ATRX: variants seen among roughly 807,000 people sequenced by gnomAD.
The protein encoded by ATRX is ATRX chromatin remodeler, also known as chromatin remodeler ATRX.
ATRX carries 12 observed loss-of-function variants against 172.6 expected under a neutral mutation model. The observed-to-expected ratio is 0.07, with a 90% CI of 0.04 to 0.11. The LOEUF (loss-of-function observed/expected upper bound fraction) is 0.11, where lower values mean the gene tolerates loss of function less well. ATRX is among the 10% of genes least tolerant of loss of function. ATRX has a pLI of 1.00. For synonymous variants in ATRX, 674 were observed against 594.7 expected (o/e 1.13, Z -1.94); for missense variants, 1,368 against 1,767.4 (o/e 0.77, Z 4.05).
intron 10 of ATRX, 101 bp from the exon 11 acceptor site, chrX:77,664,879 A>T: frequency 1.2e-6 from 1 of 807,160 alleles, no homozygotes; most frequent in Non-Finnish European, 1.7e-6. Flanking sequence ...ATAGAAATAA[A>T]TGTGCCAATA....
chrX:77,579,521 C>G, intron 27 of ATRX, among the ~76,000 whole-genome samples: 1 of 109,709 alleles, frequency 9.1e-6, no homozygotes, highest in East Asian at 2.9e-4. Flanking sequence ...GCAGACAATT[C>G]TTTTGGATCT....
intron 27 of ATRX, among the ~76,000 whole-genome samples, chrX:77,585,620 A>AAAAAAAAAAAAAAAAAAAAC: frequency 1.1e-5 from 1 of 93,501 alleles, no homozygotes; most frequent in Non-Finnish European, 2.1e-5. Flanking sequence ...AAAAAAAAAA[A>AAAAAAAAAAAAAAAAAAAAC]AAAGGATCCA....
chrX:77,516,510 A>C (rs2063059433), intron 34 of ATRX, among the ~76,000 whole-genome samples: 1 of 112,258 alleles, frequency 8.9e-6, no homozygotes, highest in Non-Finnish European at 1.9e-5. Context: ...ATATAATGAT[A>C]AAGGGGTCAA....
At position 77,557,519 on chromosome X, in the gene ATRX, C is replaced by T; in HGVS notation, c.6631G>A (p.Glu2211Lys). Residue 2211 changes from glutamate (E) to lysine (K), a missense_variant, in exon 30 of 35, where the codon GAG becomes AAG. This residue lies in a region of ATRX where 18 missense variants were observed against 52.4 expected (regional missense o/e 0.34). Coordinates refer to ENST00000373344, the MANE Select transcript of ATRX (RefSeq NM_000489.6). ...TTAGGGTCATCTAATAAGTCTGGCT[C>T]AAAAGTATAAAGTTCAGTAAGCTCA... ...MNELTELYTF[E>K]PDLLDDPNSE... 1 of 1,210,343 alleles carries T rather than the reference C, an allele frequency of 8.3e-7. No homozygotes were observed. The highest frequency in any genetic ancestry group is 1.1e-6 in the Non-Finnish European group (1 of 894,798).
intron 28 of ATRX, among the ~76,000 whole-genome samples, chrX:77,565,821 A>G (rs1033174886): frequency 3.6e-5 from 4 of 109,640 alleles, no homozygotes; most frequent in Middle Eastern, 4.8e-3. Flanking sequence ...TTGCTACTGC[A>G]CTCCAGCTTG....
At chrX:77,697,170 ACT>A (rs2072233657) in intron 4 of ATRX, among the ~76,000 whole-genome samples, 1 of 110,845 alleles carries the variant, frequency 9.0e-6, no homozygotes, top group Non-Finnish European at 1.9e-5. Context: ...GTTTTTTACC[ACT>A]CTTTTTTCTC....
chrX:77,604,833 A>G (rs782411943), intron 22 of ATRX, among the ~76,000 whole-genome samples: 3 of 112,466 alleles, frequency 2.7e-5, no homozygotes, highest in African/African-American at 9.7e-5. Context: ...AAAGAACAAA[A>G]GCATGTCTTC....
chrX:77,605,029 A>G (rs2066850370), intron 22 of ATRX, among the ~76,000 whole-genome samples: 1 of 112,358 alleles, frequency 8.9e-6, no homozygotes, highest in Admixed American at 9.5e-5. Flanking sequence ...AGTGAATGAG[A>G]AACTACTTAA....
chrX:77,643,658 T>A (rs782145756), intron 15 of ATRX, among the ~76,000 whole-genome samples: 38 of 110,556 alleles, frequency 3.4e-4, no homozygotes, highest in African/African-American at 1.3e-3. Flanking sequence ...GCTCAAGCTA[T>A]CCTCCTACCT....
rs1031877960 is a variant in ATRX, at chrX:77,601,893, T to C, written c.5567-1329A>G. ...ATCACTGCTATGAAAATGAGGTATA[T>C]AATTTCTCGGCATACAGCTGTTCAC... On this transcript the variant is annotated intron_variant, in intron 22 of 34. Transcript: ENST00000373344. Among the ~76,000 whole-genome samples the C allele has an allele frequency of 2.7e-5, 3 of 112,323 alleles. No individual in the cohort carries two copies. The Admixed American group carries it at 2.8e-4, about 11-fold the overall frequency.
intron 12 of ATRX, among the ~76,000 whole-genome samples, chrX:77,660,747 T>G (rs1262657923): frequency 1.8e-5 from 2 of 110,950 alleles, no homozygotes; most frequent in African/African-American, 3.3e-5. Flanking sequence ...GAATAACTCT[T>G]GCCCAAAAGC....
intron 15 of ATRX, among the ~76,000 whole-genome samples, chrX:77,639,564 T>C (rs1288247955): frequency 1.8e-5 from 2 of 111,433 alleles, no homozygotes; most frequent in Non-Finnish European, 3.8e-5. Context: ...TCTTAAGAGG[T>C]TAAGTGTGTG....
At chrX:77,684,635 GGAAA>G in intron 8 of ATRX, 42 bp from the exon 9 acceptor site, 1 of 1,133,638 alleles carries the variant, frequency 8.8e-7, no homozygotes, top group Non-Finnish European at 1.2e-6. Context: ...CCTTCTTTCA[GGAAA>G]CTGAAAAGAT....
intron 27 of ATRX, among the ~76,000 whole-genome samples, chrX:77,589,196 G>A (rs1228948695): frequency 8.9e-6 from 1 of 112,196 alleles, no homozygotes; most frequent in African/African-American, 3.2e-5. Context: ...TATGTGACTG[G>A]TCCAGAATAT....
chrX:77,581,594 T>C (rs1255652440), intron 27 of ATRX, among the ~76,000 whole-genome samples: 2 of 111,683 alleles, frequency 1.8e-5, no homozygotes, highest in African/African-American at 3.3e-5. Context: ...AAGAGAGAGA[T>C]AGACCCCAAT....
At chrX:77,610,746 A>G (rs1349479025) in intron 22 of ATRX, among the ~76,000 whole-genome samples, 2 of 109,325 alleles carry the variant, frequency 1.8e-5, no homozygotes, top group African/African-American at 6.6e-5. Flanking sequence ...TTAACACACA[A>G]TATTCTATGT....
Position 77,579,899 on chromosome X carries a change from A to G in ATRX, c.6218-5541T>C, listed in dbSNP as rs545572792. Among the ~76,000 whole-genome samples the G allele has an allele frequency of 9.8e-5, 11 of 112,308 alleles. No individual in the cohort carries two copies. In the South Asian group the frequency reaches 4.0e-3, roughly 41 times the overall value. Reference sequence around the variant, plus strand: ...CACAAAATAGCTGATTTGAGGAAACAATGAAATTCAAGATAACACAGGAGG... The same window carrying G: ...CACAAAATAGCTGATTTGAGGAAACGATGAAATTCAAGATAACACAGGAGG... On this transcript the variant is annotated intron_variant, in intron 27 of 34. Transcript: ENST00000373344.
intron 20 of ATRX, among the ~76,000 whole-genome samples, chrX:77,619,495 A>C (rs894126195): frequency 9.0e-6 from 1 of 111,183 alleles, no homozygotes; most frequent in Non-Finnish European, 1.9e-5. Context: ...GGCTACACAA[A>C]TAGTAAAAAA....
intron 15 of ATRX, among the ~76,000 whole-genome samples, chrX:77,644,185 G>A (rs782221453): frequency 5.5e-4 from 61 of 110,287 alleles, no homozygotes; most frequent in African/African-American, 1.9e-3. Context: ...CAGGTGATCC[G>A]CCTGCCTTGG....
Sources: allele counts gnomAD v4.1 joint callset (sites outside exome capture counted in the v4.1 genomes callset), GRCh38; gene constraint gnomAD v4.1.1; regional missense constraint gnomAD v4.1.1; transcripts MANE v1.5; gene names NCBI Gene and HGNC (gene_info 2026-07-23, HGNC 2026-07-21).